KCNQ1: variants seen among roughly 807,000 people sequenced by gnomAD.
KCNQ1 encodes the protein potassium voltage-gated channel subfamily Q member 1.
A neutral mutation model predicts 72.4 loss-of-function variants in KCNQ1; 49 were observed. The ratio of observed to expected loss-of-function variants is 0.68; its 90% CI spans 0.54 to 0.86. KCNQ1 has a LOEUF of 0.86. KCNQ1 is among the 40% of genes least tolerant of loss of function. The probability of loss-of-function intolerance (pLI) is 0.00; values close to 1 mark genes in which losing one functional copy is unlikely to be tolerated. For synonymous variants in KCNQ1, 450 were observed against 412.6 expected (o/e 1.09, Z -1.10); for missense variants, 790 against 945.1 (o/e 0.84, Z 2.15).
intron 11 of KCNQ1, among the ~76,000 whole-genome samples, chr11:2,741,941 C>T (rs745879014): frequency 9.8e-5 from 15 of 152,338 alleles, no homozygotes; most frequent in Admixed American, 4.6e-4. Context: ...CCCCCAGCAG[C>T]GCCCCTCCTA....
intron 12 of KCNQ1, among the ~76,000 whole-genome samples, chr11:2,773,513 G>T (rs1846636841): frequency 6.6e-6 from 1 of 150,544 alleles, no homozygotes; most frequent in Non-Finnish European, 1.5e-5. Context: ...ACAGAAAGGA[G>T]GATCAGGGCT....
intron 1 of KCNQ1, chr11:2,461,780 TGTGGTCAGTTATGG>T: frequency 7.7e-7 from 1 of 1,305,568 alleles, no homozygotes; most frequent in Non-Finnish European, 1.0e-6. Context: ...GGGGCTGAAT[TGTGGTCAGTTATGG>T]GTGGCGGGTA....
At chr11:2,453,239 GGTGCAT>G (rs1334047266) in intron 1 of KCNQ1, among the ~76,000 whole-genome samples, 1 of 152,204 alleles carries the variant, frequency 6.6e-6, no homozygotes, top group Non-Finnish European at 1.5e-5. Flanking sequence ...CGGGCGTGGT[GGTGCAT>G]GCCTGTAATC....
rs2133892484 is a variant in KCNQ1 at position 2,691,436 on chromosome 11, G to A, written c.1514+29355G>A. The A allele has an allele frequency of 2.5e-6, 1 of 398,606 alleles. No homozygotes were observed. Among genetic ancestry groups the A allele is most frequent in the South Asian group, 1.3e-4 (1 of 7,860 alleles). The allele number at this position is 398,606 out of a possible 1,614,324, so 24.7% of individuals were successfully genotyped here. A position where few individuals can be genotyped will look rare whatever the true frequency, so the allele number is the denominator to read the frequency against. On this transcript the variant is annotated intron_variant, in intron 11 of 15. Coordinates refer to ENST00000155840, the MANE Select transcript of KCNQ1 (RefSeq NM_000218.3). This position sits in a 1 kb window ranked among gnomAD's most constrained non-coding sequence, Gnocchi z 6.4. ...TGTGGGGAGTCCACTGAAGCTCCCTGCCCCCACTGAGTCTCTGATGTTGAC... is the reference window on the plus strand; with the variant it reads ...TGTGGGGAGTCCACTGAAGCTCCCTACCCCCACTGAGTCTCTGATGTTGAC...
intron 1 of KCNQ1, among the ~76,000 whole-genome samples, chr11:2,469,580 CAT>C (rs1846410393): frequency 6.6e-6 from 1 of 151,312 alleles, no homozygotes; most frequent in Admixed American, 6.6e-5. Context: ...CGAGATGTTA[CAT>C]GTTTCTATAT....
intron 6 of KCNQ1, among the ~76,000 whole-genome samples, chr11:2,580,058 A>G (rs926499945): frequency 2.0e-5 from 3 of 152,232 alleles, no homozygotes; most frequent in African/African-American, 7.2e-5. Context: ...ATATATTAAA[A>G]TAATTTAATG....
chr11:2,575,369 C>T (rs1472189230), intron 6 of KCNQ1, among the ~76,000 whole-genome samples: 1 of 152,132 alleles, frequency 6.6e-6, no homozygotes, highest in Non-Finnish European at 1.5e-5. Context: ...CGCCCTGGGC[C>T]CCCCACCGCC....
Position 2,621,915 on chromosome 11 carries a change from G to T in KCNQ1, c.1393+33061G>T, listed in dbSNP as rs1483843492. ...TTATTATTTCCTTCTGTTAACTTTGGCTTTAGTTTGTTCTTCTTTTTCTAA... is the reference window on the plus strand; with the variant it reads ...TTATTATTTCCTTCTGTTAACTTTGTCTTTAGTTTGTTCTTCTTTTTCTAA... On this transcript the variant is annotated intron_variant, in intron 10 of 15. Coordinates refer to ENST00000155840, the MANE Select transcript of KCNQ1 (RefSeq NM_000218.3). This position sits in a 1 kb window ranked among gnomAD's most constrained non-coding sequence, Gnocchi z 5.7. The T allele has an allele frequency of 7.5e-6, 3 of 397,786 alleles. No individual in the cohort carries two copies. Among genetic ancestry groups the T allele is most frequent in the Non-Finnish European group, 1.3e-5 (3 of 225,844 alleles). The allele number at this position is 397,786 out of a possible 1,614,324, so 24.6% of individuals were successfully genotyped here.
At chr11:2,837,599 G>A (rs1164955803) in intron 15 of KCNQ1, among the ~76,000 whole-genome samples, 1 of 152,226 alleles carries the variant, frequency 6.6e-6, no homozygotes, top group Non-Finnish European at 1.5e-5. Context: ...CCACCAGCAG[G>A]AACCGGGCAG....
chr11:2,838,805 T>C (rs1340938651), intron 15 of KCNQ1, among the ~76,000 whole-genome samples: 1 of 152,162 alleles, frequency 6.6e-6, no homozygotes, highest in Non-Finnish European at 1.5e-5. Flanking sequence ...CAAAGTGTTC[T>C]GCCTGGTGTC....
At position 2,562,327 on chromosome 11, in the gene KCNQ1, G is replaced by A. The variant is rs796897033; in HGVS notation, c.478-8301G>A. ...GGCGGCTGGGAGCAGCTGGCCACAG[G>A]CAGGCCCTGGGACAAAGGGCGCTTT... On this transcript the variant is annotated intron_variant, in intron 2 of 15. Transcript: ENST00000155840. This position sits in a 1 kb window ranked among gnomAD's most constrained non-coding sequence, Gnocchi z 7.5. Among the ~76,000 whole-genome samples the A allele has an allele frequency of 6.6e-6, 1 of 152,296 alleles. No homozygotes were observed. Among genetic ancestry groups the A allele is most frequent in the South Asian group, 2.1e-4 (1 of 4,826 alleles).
chr11:2,575,419 C>A (rs1018524356), intron 6 of KCNQ1, among the ~76,000 whole-genome samples: 6 of 152,216 alleles, frequency 3.9e-5, no homozygotes, highest in Admixed American at 1.3e-4. Context: ...AGCTGCCCTG[C>A]AGCTGTCTGG....
rs2133775052 is a variant in KCNQ1, at chr11:2,599,820, A to T, written c.1393+10966A>T. Among the ~76,000 whole-genome samples, 1 of 152,262 alleles carries T rather than the reference A, an allele frequency of 6.6e-6. No homozygotes were observed. Among genetic ancestry groups the T allele is most frequent in the Middle Eastern group, 3.4e-3 (1 of 294 alleles). Reference sequence around the variant, plus strand: ...GTCACACTGGATTAGGGCCCACCCTAACAGCCTCATTGTAGCTTCATCACC... The same window carrying T: ...GTCACACTGGATTAGGGCCCACCCTTACAGCCTCATTGTAGCTTCATCACC... On this transcript the variant is annotated intron_variant, in intron 10 of 15. Coordinates refer to ENST00000155840, the MANE Select transcript of KCNQ1 (RefSeq NM_000218.3). The surrounding 1 kb of genome is among the most constrained non-coding windows in gnomAD (Gnocchi z 4.7).
intron 11 of KCNQ1, among the ~76,000 whole-genome samples, chr11:2,740,401 AAAC>A (rs1421814217): frequency 2.0e-5 from 3 of 152,238 alleles, no homozygotes; most frequent in Non-Finnish European, 4.4e-5. Flanking sequence ...AATGTTAAGC[AAAC>A]AATAGTACAG....
chr11:2,671,865 C>G lies in KCNQ1; in HGVS notation c.1514+9784C>G. The G allele has an allele frequency of 2.5e-6, 1 of 398,706 alleles. No individual in the cohort carries two copies. The highest frequency in any genetic ancestry group is 4.4e-6 in the Non-Finnish European group (1 of 226,122). The allele number at this position is 398,706 out of a possible 1,614,324, so 24.7% of individuals were successfully genotyped here. ...GAGCCTTCTGCCCCAGGGAGCCAAG[C>G]CCTGGAGAGGAGGTGGGCAGCACCA... On this transcript the variant is annotated intron_variant, in intron 11 of 15. Transcript: ENST00000155840. The surrounding 1 kb of genome is among the most constrained non-coding windows in gnomAD (Gnocchi z 4.7).
chr11:2,662,488 C>G, intron 11 of KCNQ1: 1 of 464,830 alleles, frequency 2.2e-6, no homozygotes, highest in Non-Finnish European at 3.8e-6. Flanking sequence ...CCAGTTGCTG[C>G]TGCTGTCCTC....
At chr11:2,837,456 A>G (rs1426189888) in intron 15 of KCNQ1, among the ~76,000 whole-genome samples, 3 of 152,190 alleles carry the variant, frequency 2.0e-5, no homozygotes, top group Non-Finnish European at 4.4e-5. Flanking sequence ...TGTGCCACAG[A>G]ACAGACTCCC....
chr11:2,673,650 A>T lies in KCNQ1; in HGVS notation c.1514+11569A>T, dbSNP rs1190152770. On this transcript the variant is annotated intron_variant, in intron 11 of 15. Coordinates refer to ENST00000155840, the MANE Select transcript of KCNQ1 (RefSeq NM_000218.3). The surrounding 1 kb of genome is among the most constrained non-coding windows in gnomAD (Gnocchi z 4.5). Reference sequence around the variant, plus strand: ...CTACTGCTGATGACCACCCTGACTCATGTCCCTTGTCTGCATAGGTGTTTT... The same window carrying T: ...CTACTGCTGATGACCACCCTGACTCTTGTCCCTTGTCTGCATAGGTGTTTT... The T allele has an allele frequency of 2.5e-6, 1 of 398,578 alleles. No individual in the cohort carries two copies. Among genetic ancestry groups the T allele is most frequent in the Non-Finnish European group, 4.4e-6 (1 of 226,154 alleles). The allele number at this position is 398,578 out of a possible 1,614,324, so 24.7% of individuals were successfully genotyped here. A position where few individuals can be genotyped will look rare whatever the true frequency, so the allele number is the denominator to read the frequency against.
At chr11:2,727,655 T>G (rs762396407) in intron 11 of KCNQ1, among the ~76,000 whole-genome samples, 3 of 152,156 alleles carry the variant, frequency 2.0e-5, no homozygotes. Flanking sequence ...AGACCCAATC[T>G]GAAGCCCTGG....
Sources: gnomAD v4.1 joint callset for allele counts (sites outside exome capture counted in the v4.1 genomes callset) on GRCh38, gnomAD v4.1.1 for gene constraint, Gnocchi (gnomAD v3.1) non-coding constraint, MANE v1.5 for transcripts, NCBI Gene and HGNC (gene_info 2026-07-23, HGNC 2026-07-21) for gene names.